MCPH1: variants seen among roughly 807,000 people sequenced by gnomAD.
MCPH1 encodes the protein microcephalin 1.
MCPH1 carries 104 observed loss-of-function variants against 84.5 expected under a neutral mutation model. The observed-to-expected ratio is 1.23, with a 90% CI of 1.05 to 1.45. The LOEUF is 1.45. Ranked by LOEUF, MCPH1 falls within the 40% of genes most tolerant of loss-of-function variation. The pLI is 0.00. For synonymous variants in MCPH1, 514 were observed against 366.8 expected (o/e 1.40, Z -4.58); for missense variants, 1,498 against 1,005.7 (o/e 1.49, Z -6.62).
rs946533549 is a variant in MCPH1 at position 6,648,077 on chromosome 8, G to A, written c.*5028G>A. 7 of 152,246 alleles carry A rather than the reference G, an allele frequency of 4.6e-5. No individual in the cohort carries two copies. The highest frequency in any genetic ancestry group is 2.1e-4 in the South Asian group (1 of 4,822). 9.4% of individuals were successfully genotyped at this position (152,246 alleles called of 1,614,324 possible). A position where few individuals can be genotyped will look rare whatever the true frequency, so the allele number is the denominator to read the frequency against. Reference sequence around the variant, plus strand: ...TGCATCTGGTAGTTCATTTAAGGTCGGCCTTGGCTTTCAAGTTAAGGCCAT... The same window carrying A: ...TGCATCTGGTAGTTCATTTAAGGTCAGCCTTGGCTTTCAAGTTAAGGCCAT... On this transcript the variant is annotated 3_prime_UTR_variant, in exon 14 of 14. Transcript: ENST00000344683.
chr8:6,503,020 G>C (rs1812499756), intron 12 of MCPH1: 1 of 1,533,892 alleles, frequency 6.5e-7, no homozygotes, highest in Non-Finnish European at 8.9e-7. Flanking sequence ...AGAGGACACA[G>C]TGCGCAGCCG....
chr8:6,483,580 C>G (rs927197918), intron 11 of MCPH1, among the ~76,000 whole-genome samples: 53 of 152,152 alleles, frequency 3.5e-4, no homozygotes, highest in Admixed American at 2.4e-3. Flanking sequence ...ACAAGTGGTG[C>G]TGGAGCAGTT....
chr8:6,428,930 C>T (rs758907471), intron 3 of MCPH1, among the ~76,000 whole-genome samples: 2 of 152,136 alleles, frequency 1.3e-5, no homozygotes, highest in Non-Finnish European at 2.9e-5. Flanking sequence ...ATACTGTGGC[C>T]GTATTGCTGT....
At chr8:6,640,160 A>C (rs1342010898) in intron 13 of MCPH1, among the ~76,000 whole-genome samples, 1 of 150,348 alleles carries the variant, frequency 6.7e-6, no homozygotes, top group African/African-American at 2.5e-5. Context: ...ATCTGAATTC[A>C]ATTTTAAGAG....
At position 6,621,608 on chromosome 8, in the gene MCPH1, C is replaced by G. The variant is rs752006879; in HGVS notation, c.2369C>G (p.Pro790Arg). The change falls in exon 13 of 14, where the codon CCC (proline) becomes CGC (arginine). Residue 790 changes from proline to arginine, a missense_variant. Pro to Arg is a moderately radical substitution (Grantham distance 103). Transcript: ENST00000344683. The part of the protein sequence containing the change: ...HLCGGRVSQV[P>R]RQASIVIGPY... Reference sequence around the variant, plus strand: ...TGCGGAGGCCGGGTCAGCCAAGTCCCCCGCCAGGCCAGCATCGTCATCGGG... The same window carrying G: ...TGCGGAGGCCGGGTCAGCCAAGTCCGCCGCCAGGCCAGCATCGTCATCGGG... 3.7e-6 allele frequency: 6 copies of G among 1,614,238 alleles called. No homozygotes were observed. The Admixed American group carries it at 1.0e-4, about 27-fold the overall frequency.
chr8:6,491,313 C>T (rs951731190), intron 11 of MCPH1, among the ~76,000 whole-genome samples: 1 of 150,482 alleles, frequency 6.6e-6, no homozygotes, highest in African/African-American at 2.4e-5. Context: ...AATAATGTCT[C>T]ACTTATGGAG....
At chr8:6,518,228 T>TC (rs1816663664) in intron 12 of MCPH1, among the ~76,000 whole-genome samples, 4 of 151,794 alleles carry the variant, frequency 2.6e-5, no homozygotes. Flanking sequence ...GCATCCTCTG[T>TC]CCCCCCTCTT....
chr8:6,408,473 C>T (rs564665100), intron 1 of MCPH1, among the ~76,000 whole-genome samples: 1 of 152,054 alleles, frequency 6.6e-6, no homozygotes, highest in African/African-American at 2.4e-5. Flanking sequence ...CCTCCCGCCT[C>T]CACCTTGCAA....
At chr8:6,538,403 A>G (rs1820897502) in intron 12 of MCPH1, among the ~76,000 whole-genome samples, 1 of 152,166 alleles carries the variant, frequency 6.6e-6, no homozygotes, top group African/African-American at 2.4e-5. Context: ...CAGAGTCAGG[A>G]ATCCACATGC....
intron 12 of MCPH1, among the ~76,000 whole-genome samples, chr8:6,516,015 CA>C (rs1471868004): frequency 2.0e-5 from 3 of 152,220 alleles, no homozygotes; most frequent in African/African-American, 7.2e-5. Context: ...GCCTGGTCTG[CA>C]GGGGACTTCT....
At chr8:6,622,997 T>C (rs1463734899) in intron 13 of MCPH1, among the ~76,000 whole-genome samples, 2 of 148,044 alleles carry the variant, frequency 1.4e-5, no homozygotes, top group East Asian at 4.0e-4. Flanking sequence ...CACACCACGA[T>C]GCCCAGCTTT....
chr8:6,525,083 C>CT (rs1563344452), intron 12 of MCPH1, among the ~76,000 whole-genome samples: 1 of 152,180 alleles, frequency 6.6e-6, no homozygotes, highest in Non-Finnish European at 1.5e-5. Context: ...GTAAATCCAC[C>CT]TTTTTTTGAC....
At chr8:6,414,626 C>A in intron 2 of MCPH1, 139 bp from the exon 3 acceptor site, 1 of 787,754 alleles carries the variant, frequency 1.3e-6, no homozygotes, top group Non-Finnish European at 2.0e-6. Flanking sequence ...ATGTTTTAAG[C>A]AGCGTTATGC....
At chr8:6,421,605 T>C (rs1164599312) in intron 3 of MCPH1, among the ~76,000 whole-genome samples, 1 of 152,228 alleles carries the variant, frequency 6.6e-6, no homozygotes, top group African/African-American at 2.4e-5. Flanking sequence ...AATTCAATTT[T>C]AGTATCCATA....
intron 12 of MCPH1, among the ~76,000 whole-genome samples, chr8:6,561,333 C>A (rs944770986): frequency 2.0e-5 from 3 of 152,192 alleles, no homozygotes; most frequent in Non-Finnish European, 4.4e-5. Context: ...TTTTAAATGA[C>A]TCCTCTTGAC....
chr8:6,450,798 A>G (rs911451456), intron 8 of MCPH1, among the ~76,000 whole-genome samples: 3 of 152,048 alleles, frequency 2.0e-5, no homozygotes, highest in African/African-American at 7.2e-5. Context: ...ATTGGAGTGC[A>G]GTGACATGAT....
chr8:6,482,512 C>G (rs1809370961), intron 11 of MCPH1, among the ~76,000 whole-genome samples: 1 of 152,230 alleles, frequency 6.6e-6, no homozygotes, highest in South Asian at 2.1e-4. Flanking sequence ...TCTGTGTCTT[C>G]ATCTGACTAC....
At chr8:6,562,147 T>A (rs918896679) in intron 12 of MCPH1, among the ~76,000 whole-genome samples, 1 of 152,202 alleles carries the variant, frequency 6.6e-6, no homozygotes, top group African/African-American at 2.4e-5. Context: ...CCTATTTTAG[T>A]AAATAAATTC....
At chr8:6,414,135 A>G (rs546908644) in intron 2 of MCPH1, among the ~76,000 whole-genome samples, 1 of 152,208 alleles carries the variant, frequency 6.6e-6, no homozygotes, top group African/African-American at 2.4e-5. Flanking sequence ...GTATTTATGC[A>G]TTTAAGATTA....
Sources: gnomAD v4.1 joint callset for allele counts (sites outside exome capture counted in the v4.1 genomes callset) on GRCh38, gnomAD v4.1.1 for gene constraint, MANE v1.5 for transcripts, NCBI Gene and HGNC (gene_info 2026-07-23, HGNC 2026-07-21) for gene names.